The following SPECC1L variants were observed in gnomAD, a reference collection of about 807,000 sequenced individuals.
The protein encoded by SPECC1L is sperm antigen with calponin homology and coiled-coil domains 1 like, also known as cytospin-A.
In SPECC1L, 40 loss-of-function variants were observed where a neutral mutation model predicts 116.8. The ratio of observed to expected loss-of-function variants is 0.34; its 90% confidence interval spans 0.27 to 0.45. The LOEUF (loss-of-function observed/expected upper bound fraction) is 0.45. Among genes scored for constraint, SPECC1L ranks in the 20% least tolerant of loss-of-function variants. The pLI is 1.00. For synonymous variants in SPECC1L, 504 were observed against 500.6 expected, an observed-to-expected ratio of 1.01 and a Z score of -0.09; for missense variants, 1,110 against 1,373.6, an observed-to-expected ratio of 0.81 and a Z score of 3.03.
intron 14 of SPECC1L, among the ~76,000 whole-genome samples, chr22:24,404,494 C>G (rs2042546842): frequency 6.6e-6 from 1 of 152,164 alleles, no homozygotes; most frequent in Admixed American, 6.5e-5. Context: ...CCCACAGAAG[C>G]CAAGGCCCAT....
chr22:24,292,530 A>C (rs1257519605), intron 2 of SPECC1L, among the ~76,000 whole-genome samples: 1 of 152,190 alleles, frequency 6.6e-6, no homozygotes, highest in Non-Finnish European at 1.5e-5. Flanking sequence ...TTGCAGATAC[A>C]TAAAGTGATT....
intron 4 of SPECC1L, among the ~76,000 whole-genome samples, chr22:24,318,382 G>T (rs889594468): frequency 6.6e-6 from 1 of 152,172 alleles, no homozygotes; most frequent in Admixed American, 6.5e-5. Context: ...CCAGTCAGGC[G>T]TGGCGGCGCG....
In SPECC1L at chr22:24,397,892, G is replaced by T. The variant is rs535141394; in HGVS notation, c.3088-13696G>T. On this transcript the variant is annotated intron_variant, in intron 14 of 16. Coordinates refer to ENST00000314328, the MANE Select transcript of SPECC1L (RefSeq NM_015330.6). Reference sequence around the variant, plus strand: ...CTTTGTTTGCCTGAAGAGTGTGCCAGGTTTACCATTCAGCACTTGGTCAAG... The same window carrying T: ...CTTTGTTTGCCTGAAGAGTGTGCCATGTTTACCATTCAGCACTTGGTCAAG... Among the ~76,000 whole-genome samples the T allele has an allele frequency of 3.9e-4, 59 of 152,212 alleles. 3 individuals are homozygous for T. The South Asian group carries it at 0.012, about 30-fold the overall frequency.
rs572646048 is a variant in SPECC1L at position 24,322,038 on chromosome 22, A to G, written c.1058A>G (p.Tyr353Cys). ...DNLDSECSEVYQPLTSSDDAL... is the reference protein window; with the variant it reads ...DNLDSECSEVCQPLTSSDDAL... ...TTAGACAGTGAGTGCAGTGAGGTCT[A>G]CCAGCCCCTCACATCGAGCGATGAT... The change falls in exon 5 of 17, where the codon TAC (tyrosine) becomes TGC (cysteine). Residue 353 changes from tyrosine (Y) to cysteine (C), a missense_variant. Tyr to Cys is a radical substitution (Grantham distance 194, BLOSUM62 -2). Around this residue, in one of 4 missense-constraint regions of SPECC1L, gnomAD observed 437 missense variants for 482.6 expected, o/e 0.91. Coordinates refer to ENST00000314328, the MANE Select transcript of SPECC1L (RefSeq NM_015330.6). The G allele has an allele frequency of 3.1e-6, 5 of 1,614,190 alleles. No individual in the cohort carries two copies. Among genetic ancestry groups the G allele is most frequent in the Non-Finnish European group, 4.2e-6 (5 of 1,180,020 alleles).
chr22:24,293,525 A>C (rs1348753509), intron 2 of SPECC1L, among the ~76,000 whole-genome samples: 1 of 152,222 alleles, frequency 6.6e-6, no homozygotes, highest in Non-Finnish European at 1.5e-5. Context: ...AGACTTGAAA[A>C]TATTAGATAA....
intron 3 of SPECC1L, among the ~76,000 whole-genome samples, chr22:24,302,941 A>G (rs979367628): frequency 8.6e-4 from 131 of 152,252 alleles, no homozygotes; most frequent in Non-Finnish European, 1.7e-3. Context: ...GATGATGATG[A>G]TGATGATGAT....
chr22:24,273,337 A>C (rs1000820849), intron 1 of SPECC1L, among the ~76,000 whole-genome samples: 13 of 152,250 alleles, frequency 8.5e-5, no homozygotes, highest in Non-Finnish European at 1.5e-4. Context: ...AATAAGAAAA[A>C]AAGGACAATA....
Position 24,322,372 on chromosome 22 carries a change from A to T in SPECC1L, c.1392A>T (p.Glu464Asp). The T allele has an allele frequency of 6.2e-7, 1 of 1,614,232 alleles. No individual in the cohort carries two copies. Among genetic ancestry groups the T allele is most frequent in the Non-Finnish European group, 8.5e-7 (1 of 1,180,046 alleles). Residue 464 changes from glutamate to aspartate, a missense_variant, in exon 5 of 17, where the codon GAA becomes GAT. Glu to Asp is a conservative substitution (Grantham distance 45). Coordinates refer to ENST00000314328, the MANE Select transcript of SPECC1L (RefSeq NM_015330.6). ...TGGAACACTTTAGTCGACAGATTGA[A>T]TACTTCCGCTCTCTTCTAGATGAGC... ...DKLEHFSRQI[E>D]YFRSLLDEHH... is the part of the protein sequence containing the mutation.
intron 1 of SPECC1L, among the ~76,000 whole-genome samples, chr22:24,271,795 G>C (rs1225362311): frequency 1.3e-5 from 2 of 152,248 alleles, no homozygotes; most frequent in Admixed American, 1.3e-4. Flanking sequence ...CCAAGTACCA[G>C]AAGGGCGAGG....
chr22:24,322,825 CAAAGAAAAA>C lies in SPECC1L; in HGVS notation c.1846_1854del (p.Lys616_Lys618del). ...ACCTCCTGGAGAGTGTCAGGCTGGA[CAAAGAAAAA>C]GCAGAGACTTTGGCTAGTAGCTTGC... is the stretch of plus-strand genomic sequence containing the variant. On this transcript the variant is annotated inframe_deletion, in exon 5 of 17. Transcript: ENST00000314328. The C allele has an allele frequency of 6.2e-7, 1 of 1,609,210 alleles. No homozygotes were observed. The highest frequency in any genetic ancestry group is 8.5e-7 in the Non-Finnish European group (1 of 1,177,736).
intron 2 of SPECC1L, among the ~76,000 whole-genome samples, chr22:24,281,534 G>A (rs1197681988): frequency 6.6e-6 from 1 of 152,106 alleles, no homozygotes; most frequent in Non-Finnish European, 1.5e-5. Flanking sequence ...GTTTTTTGAA[G>A]GGATGTGGTC....
intron 14 of SPECC1L, among the ~76,000 whole-genome samples, chr22:24,391,785 G>T (rs551999580): frequency 6.2e-4 from 95 of 152,258 alleles, no homozygotes; most frequent in Non-Finnish European, 1.2e-3. Context: ...ACTCTACAGG[G>T]TTGTCTTCCC....
intron 6 of SPECC1L, among the ~76,000 whole-genome samples, chr22:24,325,285 A>G (rs999119331): frequency 2.0e-5 from 3 of 152,214 alleles, no homozygotes; most frequent in Non-Finnish European, 4.4e-5. Flanking sequence ...TCGAGAGTTG[A>G]AGAGTAATGC....
At chr22:24,339,514 C>A (rs963139582) in intron 10 of SPECC1L, among the ~76,000 whole-genome samples, 2 of 152,104 alleles carry the variant, frequency 1.3e-5, no homozygotes, top group Non-Finnish European at 1.5e-5. Context: ...CTCAAGAGGC[C>A]GCTCATTGTG....
intron 14 of SPECC1L, among the ~76,000 whole-genome samples, chr22:24,408,645 C>T (rs2042636433): frequency 6.6e-6 from 1 of 152,244 alleles, no homozygotes; most frequent in African/African-American, 2.4e-5. Flanking sequence ...TCACTTTCCT[C>T]ACAGCAGTTT....
intron 2 of SPECC1L, among the ~76,000 whole-genome samples, chr22:24,277,847 A>G (rs1293030296): frequency 2.0e-5 from 3 of 152,256 alleles, no homozygotes; most frequent in Admixed American, 6.5e-5. Flanking sequence ...AGTGTGTACA[A>G]GTTCCTCTAC....
chr22:24,322,457 C>A lies in SPECC1L; in HGVS notation c.1477C>A (p.Gln493Lys). 1 of 1,614,130 alleles carries A rather than the reference C, an allele frequency of 6.2e-7. No individual in the cohort carries two copies. The highest frequency in any genetic ancestry group is 1.3e-5 in the African/African-American group (1 of 75,026). The stretch of plus-strand genomic sequence containing the variant: ...AAGTGGGCGCTATATGGAATTAGAG[C>A]AACGTTACATGGACCTCGCTGAGAA... Reference protein sequence around the residue: ...VKSGRYMELEQRYMDLAENAR... With the variant: ...VKSGRYMELEKRYMDLAENAR... Residue 493 changes from glutamine (Q) to lysine (K), a missense_variant, in exon 5 of 17, where the codon CAA becomes AAA. Gln to Lys is a moderately conservative substitution (Grantham distance 53). Around this residue, in one of 4 missense-constraint regions of SPECC1L, gnomAD observed 575 missense variants for 682.4 expected, o/e 0.84. Transcript: ENST00000314328.
At chr22:24,387,377 T>A (rs956801945) in intron 14 of SPECC1L, among the ~76,000 whole-genome samples, 9 of 152,166 alleles carry the variant, frequency 5.9e-5, no homozygotes, top group African/African-American at 2.2e-4. Flanking sequence ...GTCAGAATAG[T>A]GGTTATCTTT....
chr22:24,405,838 C>CAAAAAA (rs35648769), intron 14 of SPECC1L, among the ~76,000 whole-genome samples: 1,447 of 136,422 alleles, frequency 0.011, 9 homozygotes, highest in African/African-American at 0.016. Flanking sequence ...GACTCTGCCT[C>CAAAAAA]AAAAAAAAAA....
Sources: allele counts gnomAD v4.1 joint callset (sites outside exome capture counted in the v4.1 genomes callset), GRCh38; gene constraint gnomAD v4.1.1; regional missense constraint gnomAD v4.1.1; transcripts MANE v1.5; gene names NCBI Gene and HGNC (gene_info 2026-07-23, HGNC 2026-07-21).